ANTXR1: variants seen among roughly 807,000 people sequenced by gnomAD.
ANTXR1 encodes the protein ANTXR cell adhesion molecule 1.
A neutral mutation model predicts 78.1 loss-of-function variants in ANTXR1; 19 were observed. The ratio of observed to expected loss-of-function variants is 0.24; its 90% CI spans 0.17 to 0.36. The LOEUF (loss-of-function observed/expected upper bound fraction) is 0.36, where lower values mean the gene tolerates loss of function less well. ANTXR1 is among the 10% of genes least tolerant of loss of function. The pLI is 1.00. For missense variants in ANTXR1, 518 were observed against 718.6 expected, an observed-to-expected ratio of 0.72 and a Z score of 3.19; for synonymous variants, 273 against 260.5, an observed-to-expected ratio of 1.05 and a Z score of -0.46.
At chr2:69,108,921 A>G (rs557676319) in intron 10 of ANTXR1, among the ~76,000 whole-genome samples, 3 of 152,232 alleles carry the variant, frequency 2.0e-5, no homozygotes, top group Non-Finnish European at 4.4e-5. Flanking sequence ...TTGTAAAGAC[A>G]TATATGATGA....
chr2:69,172,644 A>G, intron 14 of ANTXR1: 1 of 766,538 alleles, frequency 1.3e-6, no homozygotes, highest in Non-Finnish European at 1.7e-6. Context: ...TGAGAGAGGC[A>G]TGTCTACTAT....
chr2:69,107,502 A>G (rs940042387), intron 10 of ANTXR1, among the ~76,000 whole-genome samples: 1 of 152,144 alleles, frequency 6.6e-6, no homozygotes, highest in African/African-American at 2.4e-5. Flanking sequence ...AGCCTCCCAA[A>G]ATGCTGGAAT....
intron 10 of ANTXR1, among the ~76,000 whole-genome samples, chr2:69,113,056 C>T (rs1186879050): frequency 6.6e-6 from 1 of 152,118 alleles, no homozygotes; most frequent in Non-Finnish European, 1.5e-5. Context: ...TGATGTTTCC[C>T]CTGCTCTACC....
intron 17 of ANTXR1, among the ~76,000 whole-genome samples, chr2:69,205,244 C>T (rs1452212045): frequency 6.6e-6 from 1 of 152,114 alleles, no homozygotes; most frequent in Non-Finnish European, 1.5e-5. Flanking sequence ...CAAACTCTCC[C>T]AGTGCAGGGA....
chr2:69,215,950 G>A (rs1434169824), intron 17 of ANTXR1, among the ~76,000 whole-genome samples: 1 of 152,108 alleles, frequency 6.6e-6, no homozygotes, highest in Admixed American at 6.5e-5. Flanking sequence ...TTACACTTAA[G>A]AAGACAATTT....
chr2:69,097,205 C>T (rs1045841544), intron 9 of ANTXR1, among the ~76,000 whole-genome samples: 7 of 152,216 alleles, frequency 4.6e-5, no homozygotes, highest in African/African-American at 1.7e-4. Context: ...TTCCACAGTT[C>T]ACAATGTGCT....
At chr2:69,024,235 A>G (rs1050191321) in intron 1 of ANTXR1, among the ~76,000 whole-genome samples, 3 of 152,218 alleles carry the variant, frequency 2.0e-5, no homozygotes, top group African/African-American at 7.2e-5. Context: ...GCTGAGTCTG[A>G]ACATGTAGGG....
Position 69,071,782 on chromosome 2 carries a change from G to A in ANTXR1, c.407G>A (p.Arg136Lys). 4 of 1,613,674 alleles carry A rather than the reference G, an allele frequency of 2.5e-6. No homozygotes were observed. The Admixed American group carries it at 5.0e-5, about 20-fold the overall frequency. Reference protein sequence around the residue: ...RASEQIYYENRQGYRTASVII... With the variant: ...RASEQIYYENKQGYRTASVII... ...AGTGAGCAGATTTATTATGAAAACA[G>A]ACAAGGTAAGACTATAGTATGAACT... Residue 136 changes from arginine to lysine, a missense_variant, in exon 5 of 18, where the codon AGA (arginine) becomes AAA (lysine). Coordinates refer to ENST00000303714, the MANE Select transcript of ANTXR1 (RefSeq NM_032208.3).
At chr2:69,020,521 C>T (rs1671153153) in intron 1 of ANTXR1, among the ~76,000 whole-genome samples, 1 of 152,160 alleles carries the variant, frequency 6.6e-6, no homozygotes, top group Non-Finnish European at 1.5e-5. Context: ...GAGGAAGGCA[C>T]CTGTCCCAAG....
chr2:69,084,729 C>T (rs1056075516), intron 8 of ANTXR1, among the ~76,000 whole-genome samples: 2 of 151,300 alleles, frequency 1.3e-5, no homozygotes, highest in African/African-American at 4.9e-5. Context: ...CTGCACGTGG[C>T]CATATTCCAT....
At position 69,021,212 on chromosome 2, in the gene ANTXR1, C is replaced by T. The variant is rs886538261; in HGVS notation, c.152+7561C>T. Among the ~76,000 whole-genome samples, 10 of 152,184 alleles carry T rather than the reference C, an allele frequency of 6.6e-5. No individual in the cohort carries two copies. In the East Asian group the frequency reaches 7.7e-4, roughly 12 times the overall value. ...GTACAGTCATCATTACCATTTCACA[C>T]GTGAGGAGACCGAGGTTTAGAGAGG... On this transcript the variant is annotated intron_variant, in intron 1 of 17. Transcript: ENST00000303714.
intron 16 of ANTXR1, 38 bp from the exon 17 acceptor site, chr2:69,193,297 G>A (rs1674585238): frequency 1.2e-6 from 2 of 1,603,842 alleles, no homozygotes; most frequent in Non-Finnish European, 1.7e-6. Context: ...CACAGGTCTG[G>A]TTTCATATGT....
At chr2:69,172,400 AAG>A (rs1458766950) in intron 14 of ANTXR1, 3 of 1,610,194 alleles carry the variant, frequency 1.9e-6, no homozygotes, top group Non-Finnish European at 2.5e-6. Context: ...AGAAGAAAGA[AAG>A]AAATCCCACA....
intron 3 of ANTXR1, among the ~76,000 whole-genome samples, chr2:69,052,429 T>C (rs1669955482): frequency 6.6e-6 from 1 of 152,084 alleles, no homozygotes; most frequent in South Asian, 2.1e-4. Flanking sequence ...TCTTTCCCCT[T>C]ACATTTTCTA....
chr2:69,051,210 G>A (rs1043645997), intron 3 of ANTXR1, among the ~76,000 whole-genome samples: 16 of 151,896 alleles, frequency 1.1e-4, no homozygotes, highest in Non-Finnish European at 1.5e-4. Context: ...CCTGGGAGGC[G>A]GAGGTTGCAG....
chr2:69,158,086 G>C (rs1172286191), intron 13 of ANTXR1, among the ~76,000 whole-genome samples: 2 of 152,154 alleles, frequency 1.3e-5, no homozygotes, highest in African/African-American at 4.8e-5. Context: ...CTGTTTGCTT[G>C]TCTGTCTTCC....
intron 8 of ANTXR1, among the ~76,000 whole-genome samples, chr2:69,083,954 T>C (rs1367514907): frequency 3.3e-5 from 5 of 152,212 alleles, no homozygotes; most frequent in Non-Finnish European, 4.4e-5. Flanking sequence ...AGACCAGGCA[T>C]TTCTCCTACA....
intron 14 of ANTXR1, among the ~76,000 whole-genome samples, chr2:69,181,021 G>A (rs969498081): frequency 6.6e-6 from 1 of 152,204 alleles, no homozygotes; most frequent in African/African-American, 2.4e-5. Flanking sequence ...CTCAGGAGGA[G>A]GGGGGCACAT....
chr2:69,071,103 A>G (rs569201303), intron 4 of ANTXR1, among the ~76,000 whole-genome samples: 2 of 152,108 alleles, frequency 1.3e-5, no homozygotes, highest in African/African-American at 2.4e-5. Context: ...ATAAGACATC[A>G]ATCCGTGCTG....
Sources: gnomAD v4.1 joint callset for allele counts (sites outside exome capture counted in the v4.1 genomes callset) on GRCh38, gnomAD v4.1.1 for gene constraint, MANE v1.5 for transcripts, NCBI Gene and HGNC (gene_info 2026-07-23, HGNC 2026-07-21) for gene names.